RPH3AL: variants seen among roughly 807,000 people sequenced by gnomAD.
RPH3AL encodes the protein rab effector Noc2.
RPH3AL carries 38 observed loss-of-function variants against 43.1 expected under a neutral mutation model. The observed-to-expected ratio is 0.88, with a 90% CI of 0.68 to 1.15. The LOEUF is 1.15. Among genes scored for constraint, RPH3AL ranks in the 50% most tolerant of loss-of-function variants. RPH3AL has a pLI of 0.00. For missense variants in RPH3AL, 462 were observed against 423.2 expected, an observed-to-expected ratio of 1.09 and a Z score of -0.81; for synonymous variants, 189 against 176.3, an observed-to-expected ratio of 1.07 and a Z score of -0.57.
intron 7 of RPH3AL, among the ~76,000 whole-genome samples, chr17:232,363 G>A (rs935676117): frequency 6.6e-6 from 1 of 152,188 alleles, no homozygotes; most frequent in East Asian, 1.9e-4. Context: ...ATGAGCACCC[G>A]TGTCATCTAT....
At chr17:248,108 C>T (rs555709591) in intron 6 of RPH3AL, among the ~76,000 whole-genome samples, 6 of 152,326 alleles carry the variant, frequency 3.9e-5, no homozygotes, top group East Asian at 1.9e-4. Flanking sequence ...CTCCCAGCCA[C>T]GTGTACCTGC....
chr17:278,583 CA>C (rs2042711554), intron 6 of RPH3AL, among the ~76,000 whole-genome samples: 1 of 152,088 alleles, frequency 6.6e-6, no homozygotes, highest in Non-Finnish European at 1.5e-5. Context: ...GATCTCCATT[CA>C]AAAGTCATTT....
intron 6 of RPH3AL, among the ~76,000 whole-genome samples, chr17:270,722 G>C (rs1051835707): frequency 6.6e-6 from 1 of 152,106 alleles, no homozygotes. Flanking sequence ...CCATTCTGTA[G>C]GTTGCCTGTT....
At chr17:300,587 C>T (rs1414436178) in intron 5 of RPH3AL, among the ~76,000 whole-genome samples, 2 of 75,240 alleles carry the variant, frequency 2.7e-5, no homozygotes, top group African/African-American at 5.8e-5. Flanking sequence ...ATCTCTCACC[C>T]GCTCTAGCAG....
At chr17:330,103 T>C (rs936053568) in intron 2 of RPH3AL, among the ~76,000 whole-genome samples, 1 of 152,234 alleles carries the variant, frequency 6.6e-6, no homozygotes, top group Non-Finnish European at 1.5e-5. Context: ...GAACTGCTTT[T>C]CTCGGCCAGT....
In RPH3AL at chr17:264,598, C is replaced by T. The variant is rs566806082; in HGVS notation, c.438+17170G>A. 9.2e-5 allele frequency among the ~76,000 whole-genome samples: 14 copies of T among 152,318 alleles called. No homozygotes were observed. In the South Asian group the frequency reaches 1.2e-3, roughly 14 times the overall value. ...CACTGCATGGTGGTTTTCCGCTGAT[C>T]GGTGTGAGGAGGGCATGAAGCATGT... On this transcript the variant is annotated intron_variant, in intron 6 of 9. Coordinates refer to ENST00000331302, the MANE Select transcript of RPH3AL (RefSeq NM_006987.4). The surrounding 1 kb of genome is among the most constrained non-coding windows in gnomAD (Gnocchi z 4.8).
intron 5 of RPH3AL, among the ~76,000 whole-genome samples, chr17:318,173 AG>A (rs769512089): frequency 6.6e-6 from 1 of 152,128 alleles, no homozygotes. Flanking sequence ...ACCTGAGGTC[AG>A]GAGTTCAAGA....
Position 283,168 on chromosome 17 carries a change from C to G in RPH3AL, c.352-1314G>C, listed in dbSNP as rs1002794296. 6.6e-6 allele frequency among the ~76,000 whole-genome samples: 1 copy of G among 152,302 alleles called. No homozygotes were observed. Among genetic ancestry groups the G allele is most frequent in the East Asian group, 1.9e-4 (1 of 5,162 alleles). On this transcript the variant is annotated intron_variant, in intron 5 of 9. Transcript: ENST00000331302. The surrounding 1 kb of genome is among the most constrained non-coding windows in gnomAD (Gnocchi z 4.2). ...CTGCGTGGGTGGGGGCTCTCTGCAG[C>G]CCCCCGCCGAGGGAAGGTTGCATCT...
chr17:222,749 T>G (rs887932735), intron 7 of RPH3AL, among the ~76,000 whole-genome samples: 1 of 152,160 alleles, frequency 6.6e-6, no homozygotes, highest in African/African-American at 2.4e-5. Context: ...CCAGGTGCAG[T>G]TTCTCTGAAT....
rs1475807919 is a variant in RPH3AL at position 346,609 on chromosome 17, A to G, written c.-213+6103T>C. Among the ~76,000 whole-genome samples, 2 of 135,216 alleles carry G rather than the reference A, an allele frequency of 1.5e-5. 1 individual carries two copies. The highest frequency in any genetic ancestry group is 3.4e-5 in the Non-Finnish European group (2 of 59,466). 88.7% of individuals were successfully genotyped at this position (135,216 alleles called of 152,430 possible). A position where few individuals can be genotyped will look rare whatever the true frequency, so the allele number is the denominator to read the frequency against. On this transcript the variant is annotated intron_variant, in intron 1 of 9. Transcript: ENST00000331302. ...CCGGGTCTCTCCCACAACAGGTGGG[A>G]ATGCAAGATGAGATTTGGGTGGGGA...
chr17:303,328 C>T (rs2043378019), intron 5 of RPH3AL, among the ~76,000 whole-genome samples: 1 of 151,970 alleles, frequency 6.6e-6, no homozygotes, highest in African/African-American at 2.4e-5. Context: ...AGGGGTGAGG[C>T]TGCCGTGAGC....
chr17:352,103 G>T (rs555843179), intron 1 of RPH3AL, among the ~76,000 whole-genome samples: 2 of 152,160 alleles, frequency 1.3e-5, no homozygotes, highest in Non-Finnish European at 2.9e-5. Flanking sequence ...TTTCTTTGTG[G>T]CCCCTGGGTT....
rs1404763428 is a variant in RPH3AL, at chr17:246,932, G to A, written c.613+179C>T. Among the ~76,000 whole-genome samples, 4 of 152,204 alleles carry A rather than the reference G, an allele frequency of 2.6e-5. No homozygotes were observed. Among genetic ancestry groups the A allele is most frequent in the Non-Finnish European group, 4.4e-5 (3 of 68,024 alleles). On this transcript the variant is annotated intron_variant, in intron 7 of 9. Transcript: ENST00000331302. The surrounding 1 kb of genome is among the most constrained non-coding windows in gnomAD (Gnocchi z 4.8). ...ACAGAGCGAACAGTCACCTGCTGGA[G>A]GTCCCCGCTGCTCACTCGGGAGAAG...
chr17:322,819 G>A lies in RPH3AL; in HGVS notation c.78-1404C>T, dbSNP rs558251480. Among the ~76,000 whole-genome samples, 11 of 152,222 alleles carry A rather than the reference G, an allele frequency of 7.2e-5. No homozygotes were observed. The highest frequency in any genetic ancestry group is 2.1e-4 in the South Asian group (1 of 4,808). On this transcript the variant is annotated intron_variant, in intron 3 of 9. Transcript: ENST00000331302. This position sits in a 1 kb window ranked among gnomAD's most constrained non-coding sequence, Gnocchi z 4.0. The stretch of plus-strand genomic sequence containing the variant: ...CAATAGGAGTTTGGAAAGCTAATAC[G>A]CATATCCTTTCTCTGTCAGGGGGAG...
intron 6 of RPH3AL, among the ~76,000 whole-genome samples, chr17:280,136 T>C (rs1385364891): frequency 6.6e-6 from 1 of 152,192 alleles, no homozygotes; most frequent in Non-Finnish European, 1.5e-5. Context: ...TCAAAGTATT[T>C]GCCATTTTGA....
At chr17:309,582 C>A (rs79538254) in intron 5 of RPH3AL, among the ~76,000 whole-genome samples, 3,459 of 28,500 alleles carry the variant, frequency 0.12, 716 homozygotes, top group East Asian at 0.34. Flanking sequence ...TGCCCTGCCC[C>A]AGGCTCCTGC....
rs766108407 is a variant in RPH3AL at position 323,545 on chromosome 17, G to A, written c.78-2130C>T. On this transcript the variant is annotated intron_variant, in intron 3 of 9. Transcript: ENST00000331302. This position sits in a 1 kb window ranked among gnomAD's most constrained non-coding sequence, Gnocchi z 4.4. ...TCAGTGATGGGCCAGGACACACTTC[G>A]TGTGGTTCCCGGGCCAGGGGAAGGG... is the stretch of plus-strand genomic sequence containing the variant. Among the ~76,000 whole-genome samples the A allele has an allele frequency of 9.2e-5, 14 of 152,202 alleles. No individual in the cohort carries two copies. Among genetic ancestry groups the A allele is most frequent in the Admixed American group, 1.3e-4 (2 of 15,288 alleles).
At chr17:295,339 G>A (rs1439905410) in intron 5 of RPH3AL, among the ~76,000 whole-genome samples, 14 of 143,236 alleles carry the variant, frequency 9.8e-5, no homozygotes, top group Admixed American at 3.5e-4. Context: ...AGGGACAGAG[G>A]AGCTGCAGAA....
rs35841649 is a variant in RPH3AL, at chr17:266,203, GGTGT to G, written c.438+15561_438+15564del. ...AAAGATGACACTTTAAGGCCCCAGT[GGTGT>G]GTGTGTGTGTGTGTGTGTGTGTGCG... On this transcript the variant is annotated intron_variant, in intron 6 of 9. Coordinates refer to ENST00000331302, the MANE Select transcript of RPH3AL (RefSeq NM_006987.4). 6.3e-3 allele frequency among the ~76,000 whole-genome samples: 930 copies of G among 148,670 alleles called. 7 individuals are homozygous for G. The highest frequency in any genetic ancestry group is 0.01 in the Non-Finnish European group (680 of 66,996).
Sources: gnomAD v4.1 joint callset for allele counts (sites outside exome capture counted in the v4.1 genomes callset) on GRCh38, gnomAD v4.1.1 for gene constraint, Gnocchi (gnomAD v3.1) non-coding constraint, MANE v1.5 for transcripts, NCBI Gene and HGNC (gene_info 2026-07-23, HGNC 2026-07-21) for gene names.